The following RBFOX1 variants were observed in gnomAD, a reference collection of about 807,000 sequenced individuals.
The protein encoded by RBFOX1 is RNA binding fox-1 homolog 1, also known as RNA binding protein fox-1 homolog 1.
Under a neutral mutation model 57.7 loss-of-function variants are expected in RBFOX1, and 8 were observed. The observed-to-expected ratio is 0.14, with a 90% CI of 0.08 to 0.25. The LOEUF (loss-of-function observed/expected upper bound fraction) is 0.25. RBFOX1 is among the 10% of genes least tolerant of loss of function. RBFOX1 has a pLI of 1.00. For synonymous variants in RBFOX1, 326 were observed against 222.4 expected (o/e 1.47, Z -4.15); for missense variants, 611 against 548.5 (o/e 1.11, Z -1.14).
Position 6,677,786 on chromosome 16 carries a change from G to C in RBFOX1, c.-16+23136G>C, listed in dbSNP as rs184420139. 1.6e-4 allele frequency among the ~76,000 whole-genome samples: 25 copies of C among 152,230 alleles called. 1 individual carries two copies. The highest frequency in any genetic ancestry group is 1.6e-3 in the Admixed American group (24 of 15,290). On this transcript the variant is annotated intron_variant, in intron 3 of 15. Coordinates refer to ENST00000550418, the MANE Select transcript of RBFOX1 (RefSeq NM_018723.4). ...CATCACTATACAAGTTATTAATATA[G>C]AGGAAGACTGAACAATGGTGGCAGA...
At chr16:5,498,558 AG>A (rs1324879942) in intron 2 of RBFOX1, among the ~76,000 whole-genome samples, 1 of 152,142 alleles carries the variant, frequency 6.6e-6, no homozygotes, top group Admixed American at 6.5e-5. Flanking sequence ...GGGTGGTGGG[AG>A]GAAAGGGGTG....
At chr16:5,304,891 T>C (rs9928235) in intron 1 of RBFOX1, among the ~76,000 whole-genome samples, 101,241 of 151,952 alleles carry the variant, frequency 0.67, 34,051 homozygotes, top group South Asian at 0.75. Flanking sequence ...TCCTATTCCC[T>C]GCGAATTTGA....
intron 3 of RBFOX1, among the ~76,000 whole-genome samples, chr16:6,969,671 G>A (rs2085082812): frequency 6.6e-6 from 1 of 152,142 alleles, no homozygotes; most frequent in African/African-American, 2.4e-5. Context: ...TTGAGTCTGG[G>A]AGGCGGAGGT....
At chr16:5,682,044 C>G (rs940218742) in intron 3 of RBFOX1, among the ~76,000 whole-genome samples, 1 of 152,110 alleles carries the variant, frequency 6.6e-6, no homozygotes, top group African/African-American at 2.4e-5. Context: ...TGCTCTGCAC[C>G]TCCTAGGTCT....
chr16:6,902,078 C>T (rs973144958), intron 3 of RBFOX1, among the ~76,000 whole-genome samples: 5 of 152,180 alleles, frequency 3.3e-5, no homozygotes, highest in Admixed American at 1.3e-4. Context: ...TACTTGATGT[C>T]GGCATATATT....
intron 3 of RBFOX1, among the ~76,000 whole-genome samples, chr16:6,861,823 G>GTTTTTTTTTTTTTTTTTTTTTTTTTTT (rs35138717): frequency 1.1e-5 from 1 of 92,452 alleles, no homozygotes; most frequent in Non-Finnish European, 1.9e-5. Flanking sequence ...GCGTCCCTTG[G>GTTTTTTTTTTTTTTTTTTTTTTTTTTT]TTTTTTTTTT....
intron 1 of RBFOX1, among the ~76,000 whole-genome samples, chr16:5,433,136 G>C (rs1049102537): frequency 6.6e-6 from 1 of 152,162 alleles, no homozygotes; most frequent in African/African-American, 2.4e-5. Flanking sequence ...CTGTTTCTCA[G>C]CTTCCCAAAG....
At chr16:6,558,505 G>A (rs1180998815) in intron 2 of RBFOX1, among the ~76,000 whole-genome samples, 2 of 152,062 alleles carry the variant, frequency 1.3e-5, no homozygotes, top group African/African-American at 4.8e-5. Flanking sequence ...ACGTTGGAAG[G>A]ACATTGGAAA....
chr16:7,318,626 TTAGACA>T (rs1176714582), intron 4 of RBFOX1, among the ~76,000 whole-genome samples: 1 of 152,234 alleles, frequency 6.6e-6, no homozygotes, highest in Non-Finnish European at 1.5e-5. Flanking sequence ...AAACAAACTC[TTAGACA>T]TAGAGAACGT....
intron 1 of RBFOX1, among the ~76,000 whole-genome samples, chr16:6,273,258 TA>T (rs111826438): frequency 1.4e-5 from 2 of 147,604 alleles, no homozygotes; most frequent in African/African-American, 5.0e-5. Flanking sequence ...GACTCTGTTT[TA>T]AAAAAAAACA....
intron 4 of RBFOX1, among the ~76,000 whole-genome samples, chr16:5,978,594 C>T (rs1207226373): frequency 6.6e-6 from 1 of 152,066 alleles, no homozygotes; most frequent in Non-Finnish European, 1.5e-5. Flanking sequence ...TACCACATTG[C>T]ATTTGGTTAT....
At chr16:7,374,579 C>T in intron 4 of RBFOX1, among the ~76,000 whole-genome samples, 1 of 152,074 alleles carries the variant, frequency 6.6e-6, no homozygotes, top group Non-Finnish European at 1.5e-5. Context: ...ACATTTTTAA[C>T]CTGACAGGAA....
chr16:7,091,959 T>C (rs2060935761), intron 4 of RBFOX1, among the ~76,000 whole-genome samples: 1 of 152,216 alleles, frequency 6.6e-6, no homozygotes. Flanking sequence ...GCCCATTTTG[T>C]TTGACATTCT....
chr16:6,623,866 C>G (rs1177820402), intron 2 of RBFOX1, among the ~76,000 whole-genome samples: 2 of 152,104 alleles, frequency 1.3e-5, no homozygotes, highest in South Asian at 2.1e-4. Context: ...TGGGTTGGTT[C>G]CAAGTCTTTG....
chr16:6,846,937 G>T (rs2093788568), intron 3 of RBFOX1, among the ~76,000 whole-genome samples: 1 of 151,826 alleles, frequency 6.6e-6, no homozygotes, highest in Admixed American at 6.6e-5. Context: ...AAAAAGAGGT[G>T]ATGGCTACAG....
chr16:7,034,215 C>G (rs1308228479), intron 3 of RBFOX1, among the ~76,000 whole-genome samples: 4 of 152,088 alleles, frequency 2.6e-5, no homozygotes, highest in Non-Finnish European at 5.9e-5. Context: ...CTTGGGGCAC[C>G]TTGTTTAGCC....
intron 4 of RBFOX1, among the ~76,000 whole-genome samples, chr16:7,245,736 G>C (rs186058706): frequency 6.6e-6 from 1 of 152,262 alleles, no homozygotes; most frequent in Admixed American, 6.5e-5. Flanking sequence ...GAGAAAAGTA[G>C]CTTTTTTGAA....
At chr16:7,253,259 A>T (rs1252494996) in intron 4 of RBFOX1, among the ~76,000 whole-genome samples, 1 of 152,228 alleles carries the variant, frequency 6.6e-6, no homozygotes, top group African/African-American at 2.4e-5. Context: ...CCTGGGGGTC[A>T]AATCAACAAA....
At chr16:5,599,306 C>G (rs745756084) in exon 3 of RBFOX1, 14 of 624,880 alleles carry the variant, frequency 2.2e-5, no homozygotes, top group Non-Finnish European at 3.1e-5. Context: ...GTTGTGGGAG[C>G]ACGTGAAAGA....
Sources: allele counts gnomAD v4.1 joint callset (sites outside exome capture counted in the v4.1 genomes callset), GRCh38; gene constraint gnomAD v4.1.1; transcripts MANE v1.5; gene names NCBI Gene and HGNC (gene_info 2026-07-23, HGNC 2026-07-21).